Variants in KANSL2 observed in about 807,000 individuals in gnomAD.
KANSL2 encodes the protein NSL complex protein NSL2.
KANSL2 carries 34 observed loss-of-function variants against 55.6 expected under a neutral mutation model. That is an observed-to-expected ratio of 0.61 (90% CI 0.46 to 0.81). The LOEUF is 0.81. Among genes scored for constraint, KANSL2 ranks in the 40% least tolerant of loss-of-function variants. The pLI, the probability that KANSL2 is intolerant of heterozygous loss-of-function variation, is 0.00. For synonymous variants in KANSL2, 209 were observed against 214.3 expected, an observed-to-expected ratio of 0.98 and a Z score of 0.22; for missense variants, 502 against 609.9, an observed-to-expected ratio of 0.82 and a Z score of 1.86.
intron 7 of KANSL2, among the ~76,000 whole-genome samples, chr12:48,663,883 T>C (rs1040358589): frequency 1.3e-5 from 2 of 151,480 alleles, no homozygotes; most frequent in African/African-American, 4.9e-5. Context: ...ACTGTATTTA[T>C]AGTGAAGATA....
At chr12:48,681,890 T>G (rs1250361985) in intron 1 of KANSL2, 1 of 703,938 alleles carries the variant, frequency 1.4e-6, no homozygotes, top group Admixed American at 2.0e-5. Context: ...CTCGCACAGC[T>G]GCAGCACGAA....
chr12:48,659,630 A>C (rs559364325), intron 8 of KANSL2, among the ~76,000 whole-genome samples: 20 of 152,306 alleles, frequency 1.3e-4, no homozygotes, highest in African/African-American at 4.8e-4. Flanking sequence ...TTTAAAAAAA[A>C]AAAAGTTATA....
In KANSL2 at chr12:48,682,193, AGCTGCGCTGCGCCGCACTCT is replaced by A. The variant is rs1457691230; in HGVS notation, c.-36_-17del. 2.9e-6 allele frequency: 2 copies of A among 684,028 alleles called. No individual in the cohort carries two copies. The highest frequency in any genetic ancestry group is 5.3e-6 in the Non-Finnish European group (2 of 375,130). 42.4% of individuals were successfully genotyped at this position (684,028 alleles called of 1,614,324 possible). On this transcript the variant is annotated 5_prime_UTR_variant, in exon 1 of 10. Coordinates refer to ENST00000420613, the MANE Select transcript of KANSL2 (RefSeq NM_017822.4). The stretch of plus-strand genomic sequence containing the variant: ...AAGAGCACCGCCATCTTACCTCAGG[AGCTGCGCTGCGCCGCACTCT>A]GCCGCGCCGCTCGCCCTTCTCTAGT...
chr12:48,654,281 A>C, intron 9 of KANSL2, 106 bp from the exon 10 acceptor site: 1 of 1,141,726 alleles, frequency 8.8e-7, no homozygotes, highest in Non-Finnish European at 1.3e-6. Context: ...AGAACAATAC[A>C]ACAGAAATTA....
At chr12:48,673,314 C>T (rs945880712) in intron 4 of KANSL2, among the ~76,000 whole-genome samples, 12 of 151,938 alleles carry the variant, frequency 7.9e-5, no homozygotes, top group African/African-American at 2.7e-4. Context: ...AATCCTAGCA[C>T]CTTGGGAGGC....
Position 48,668,767 on chromosome 12 carries a change from C to A in KANSL2, c.876+339G>T, listed in dbSNP as rs545421690. 2.0e-5 allele frequency among the ~76,000 whole-genome samples: 3 copies of A among 152,282 alleles called. No individual in the cohort carries two copies. The East Asian group carries it at 5.8e-4, about 29-fold the overall frequency. The stretch of plus-strand genomic sequence containing the variant: ...TGTAAATAAAGTGAACATGAACAGG[C>A]ACGGTGGCTCATGTCTGCAATCCCA... On this transcript the variant is annotated intron_variant, in intron 6 of 9. Transcript: ENST00000420613.
chr12:48,666,387 C>CA (rs1301652598), intron 7 of KANSL2, among the ~76,000 whole-genome samples: 2 of 145,640 alleles, frequency 1.4e-5, no homozygotes, highest in African/African-American at 2.5e-5. Context: ...ATTGACTCTA[C>CA]AAAAAATAAA....
intron 8 of KANSL2, chr12:48,658,709 A>G (rs1351415992): frequency 2.0e-5 from 3 of 152,240 alleles, no homozygotes; most frequent in Non-Finnish European, 4.4e-5. Context: ...GTGAGCCGAG[A>G]TCGTGCCACT....
chr12:48,656,611 A>T (rs911929932), intron 8 of KANSL2: 3 of 125,844 alleles, frequency 2.4e-5, no homozygotes, highest in East Asian at 2.2e-4. Flanking sequence ...TTTGCTCTGT[A>T]AAAAAAAAAA....
At chr12:48,666,839 C>T (rs1326976937) in intron 7 of KANSL2, among the ~76,000 whole-genome samples, 1 of 152,166 alleles carries the variant, frequency 6.6e-6, no homozygotes, top group Admixed American at 6.5e-5. Flanking sequence ...TGAGCCACTG[C>T]ACTCCAGCCT....
intron 7 of KANSL2, among the ~76,000 whole-genome samples, chr12:48,661,010 A>T (rs1939476741): frequency 6.6e-6 from 1 of 152,198 alleles, no homozygotes; most frequent in South Asian, 2.1e-4. Context: ...CTTCCAAAAG[A>T]GTCAAGCGAT....
rs780901301 is a variant in KANSL2, at chr12:48,669,139, C to G, written c.843G>C (p.Arg281=). 9.7e-6 allele frequency: 15 copies of G among 1,550,704 alleles called. No individual in the cohort carries two copies. The highest frequency in any genetic ancestry group is 3.3e-4 in the Middle Eastern group (2 of 5,984). The change falls in exon 6 of 10, where the codon CGG becomes CGC. Residue 281 remains arginine, a synonymous_variant. Transcript: ENST00000420613. The part of the protein sequence containing the change: ...EALLHRQLKE[R]RMLATDGAAQ... Reference sequence around the variant, plus strand: ...CAGCACCATCTGTGGCCAGCATTCTCCGTTCCTTCAACTGCCTATGCAGTA... The same window carrying G: ...CAGCACCATCTGTGGCCAGCATTCTGCGTTCCTTCAACTGCCTATGCAGTA...
chr12:48,679,751 C>T lies in KANSL2; in HGVS notation c.334G>A (p.Gly112Ser), dbSNP rs1307244822. The change falls in exon 3 of 10, where the codon GGT becomes AGT. Residue 112 changes from glycine (G) to serine (S), a missense_variant. Gly to Ser is a moderately conservative substitution (Grantham distance 56, BLOSUM62 0). Transcript: ENST00000420613. ...CTCAGCTGGCACAGGAGTGTTTCAC[C>T]CACAGGCCCTGGGTTGGTCTTCTTC... ...QMKKTNPGPVGETLLCQLSSY... is the reference protein window; with the variant it reads ...QMKKTNPGPVSETLLCQLSSY... The T allele has an allele frequency of 6.2e-7, 1 of 1,610,798 alleles. No individual in the cohort carries two copies. The highest frequency in any genetic ancestry group is 8.5e-7 in the Non-Finnish European group (1 of 1,178,520).
intron 5 of KANSL2, among the ~76,000 whole-genome samples, chr12:48,670,796 C>T (rs564084399): frequency 4.0e-5 from 6 of 151,662 alleles, no homozygotes; most frequent in African/African-American, 1.5e-4. Context: ...ATAGCGAGAC[C>T]CTGTCTCTAC....
At position 48,679,658 on chromosome 12, in the gene KANSL2, G is replaced by A. The variant is rs940192223; in HGVS notation, c.427C>T (p.Leu143=). The A allele has an allele frequency of 1.9e-5, 30 of 1,613,128 alleles. No individual in the cohort carries two copies. Among genetic ancestry groups the A allele is most frequent in the Middle Eastern group, 1.6e-4 (1 of 6,074 alleles). ...ESSRSEASRI[L]DEDSWSDGEQ... ...TTCCAGGAGAGAAGGTCCTTACCTA[G>A]TATTCGGCTGGCTTCACTGCGACTA... The change falls in exon 3 of 10, where the codon CTA becomes TTA. Residue 143 remains leucine (L), a synonymous_variant. Transcript: ENST00000420613.
At chr12:48,679,909 T>A in intron 2 of KANSL2, 76 bp from the exon 3 acceptor site, 1 of 1,217,778 alleles carries the variant, frequency 8.2e-7, no homozygotes, top group Non-Finnish European at 1.1e-6. Context: ...CCCTAATCTT[T>A]AAATCATTTT....
intron 1 of KANSL2, 66 bp from the exon 2 acceptor site, chr12:48,681,707 C>G: frequency 6.2e-7 from 1 of 1,602,762 alleles, no homozygotes; most frequent in Non-Finnish European, 8.5e-7. Flanking sequence ...CCACACAGAT[C>G]GCGCGGACAG....
Position 48,682,192 on chromosome 12 carries a change from G to T in KANSL2, c.-15C>A. Reference sequence around the variant, plus strand: ...AAAGAGCACCGCCATCTTACCTCAGGAGCTGCGCTGCGCCGCACTCTGCCG... The same window carrying T: ...AAAGAGCACCGCCATCTTACCTCAGTAGCTGCGCTGCGCCGCACTCTGCCG... On this transcript the variant is annotated 5_prime_UTR_variant, in exon 1 of 10. Coordinates refer to ENST00000420613, the MANE Select transcript of KANSL2 (RefSeq NM_017822.4). The T allele has an allele frequency of 1.5e-6, 1 of 684,000 alleles. No individual in the cohort carries two copies. Among genetic ancestry groups the T allele is most frequent in the South Asian group, 1.5e-5 (1 of 65,516 alleles). The allele number at this position is 684,000 out of a possible 1,614,324, so 42.4% of individuals were successfully genotyped here.
chr12:48,661,253 G>A (rs1240813709), intron 7 of KANSL2: 5 of 964,166 alleles, frequency 5.2e-6, no homozygotes, highest in African/African-American at 1.8e-5. Flanking sequence ...CCTAAAGGAA[G>A]AAGAAAATTT....
Sources: allele counts gnomAD v4.1 joint callset (sites outside exome capture counted in the v4.1 genomes callset), GRCh38; gene constraint gnomAD v4.1.1; transcripts MANE v1.5; gene names NCBI Gene and HGNC (gene_info 2026-07-23, HGNC 2026-07-21).